The following OR2AJ1 variants were observed in gnomAD, a reference collection of about 807,000 sequenced individuals.
OR2AJ1 encodes olfactory receptor 2AJ1.
For missense variants in OR2AJ1, 280 were observed against 163.2 expected, an observed-to-expected ratio of 1.72 and a Z score of -3.90; for synonymous variants, 105 against 60.3, an observed-to-expected ratio of 1.74 and a Z score of -3.44.
chr1:247,933,836 C>T lies in OR2AJ1; in HGVS notation c.68C>T (p.Thr23Ile), dbSNP rs778459756. Residue 23 changes from threonine (T) to isoleucine (I), a missense_variant, in exon 2 of 2, where the codon ACA becomes ATA. Transcript: ENST00000318244. ...TTGGGATTGTTCTCTTCTTCCCCAA[C>T]AAGTGTGGTCTTCTTCTTAGTTTTA... is the stretch of plus-strand genomic sequence containing the variant. ...ILLGLFSSSP[T>I]SVVFFLVLFV... is the part of the protein sequence containing the mutation. 2.7e-5 allele frequency: 18 copies of T among 659,960 alleles called. No homozygotes were observed. Among genetic ancestry groups the T allele is most frequent in the Non-Finnish European group, 4.8e-5 (17 of 355,944 alleles). 40.9% of individuals were successfully genotyped at this position (659,960 alleles called of 1,614,324 possible).
Position 247,934,713 on chromosome 1 carries a change from T to A in OR2AJ1, c.945T>A (p.Asn315Lys). The A allele has an allele frequency of 2.8e-6, 2 of 713,888 alleles. No individual in the cohort carries two copies. The highest frequency in any genetic ancestry group is 2.7e-5 in the East Asian group (1 of 37,278). 44.2% of individuals were successfully genotyped at this position (713,888 alleles called of 1,614,324 possible). A position where few individuals can be genotyped will look rare whatever the true frequency, so the allele number is the denominator to read the frequency against. Residue 315 changes from asparagine (N) to lysine (K), a missense_variant, in exon 2 of 2, where the codon AAT (asparagine) becomes AAA (lysine). Physicochemically the swap from Asn to Lys is moderately conservative, Grantham distance 94. Coordinates refer to ENST00000318244, the MANE Select transcript of OR2AJ1 (RefSeq NM_001355235.2). ...LKSNFLHKKM[N>K]RKIPECVFCL... ...GTAACTTTCTGCACAAAAAAATGAA[T>A]AGGAAAATTCCTGAATGTGTGTTCT...
chr1:247,931,527 G>A (rs1420426349), intron 1 of OR2AJ1, among the ~76,000 whole-genome samples: 1 of 152,136 alleles, frequency 6.6e-6, no homozygotes, highest in Non-Finnish European at 1.5e-5. Flanking sequence ...TCATAGTAGT[G>A]GACATATGGT....
chr1:247,933,904 A>G lies in OR2AJ1; in HGVS notation c.136A>G (p.Ile46Val), dbSNP rs1251000657. The G allele has an allele frequency of 7.0e-6, 5 of 716,726 alleles. No homozygotes were observed. Among genetic ancestry groups the G allele is most frequent in the Non-Finnish European group, 1.3e-5 (5 of 384,722 alleles). 44.4% of individuals were successfully genotyped at this position (716,726 alleles called of 1,614,324 possible). A position where few individuals can be genotyped will look rare whatever the true frequency, so the allele number is the denominator to read the frequency against. The change falls in exon 2 of 2, where the codon ATC becomes GTC. Residue 46 changes from isoleucine to valine, a missense_variant. Physicochemically the swap from Ile to Val is conservative, Grantham distance 29. Coordinates refer to ENST00000318244, the MANE Select transcript of OR2AJ1 (RefSeq NM_001355235.2). Reference protein sequence around the residue: ...IMSVTENTLMILLIRSDSRLH... With the variant: ...IMSVTENTLMVLLIRSDSRLH... ...GAGTGTAACAGAAAATACGCTCATG[A>G]TCCTCCTCATTCGCAGTGACTCCCG... is the stretch of plus-strand genomic sequence containing the variant.
rs1660180988 is a variant in OR2AJ1 at position 247,933,856 on chromosome 1, G to T, written c.88G>T (p.Val30Phe). 1.5e-6 allele frequency: 1 copy of T among 687,628 alleles called. No individual in the cohort carries two copies. Among genetic ancestry groups the T allele is most frequent in the Admixed American group, 2.1e-5 (1 of 47,088 alleles). The allele number at this position is 687,628 out of a possible 1,614,324, so 42.6% of individuals were successfully genotyped here. A position where few individuals can be genotyped will look rare whatever the true frequency, so the allele number is the denominator to read the frequency against. Residue 30 changes from valine (V) to phenylalanine (F), a missense_variant, in exon 2 of 2, where the codon GTT (valine) becomes TTT (phenylalanine). Coordinates refer to ENST00000318244, the MANE Select transcript of OR2AJ1 (RefSeq NM_001355235.2). ...SSPTSVVFFL[V>F]LFVIFIMSVT... ...CCCAACAAGTGTGGTCTTCTTCTTA[G>T]TTTTATTTGTCATTTTCATTATGAG... is the stretch of plus-strand genomic sequence containing the variant.
In OR2AJ1 at chr1:247,935,104, A is replaced by C; in HGVS notation, c.*349A>C. 1 of 177,878 alleles carries C rather than the reference A, an allele frequency of 5.6e-6. No individual in the cohort carries two copies. 11.0% of individuals were successfully genotyped at this position (177,878 alleles called of 1,614,324 possible). On this transcript the variant is annotated 3_prime_UTR_variant, in exon 2 of 2. Transcript: ENST00000318244. ...TAAATTATATTGCTAACAATCACTT[A>C]TCAAAAATTCACAAATTCCATATGA...
intron 1 of OR2AJ1, among the ~76,000 whole-genome samples, chr1:247,930,084 A>G (rs1216963156): frequency 6.6e-6 from 1 of 152,210 alleles, no homozygotes; most frequent in Non-Finnish European, 1.5e-5. Flanking sequence ...AAAAATAGTC[A>G]GTCACTAACT....
chr1:247,932,456 CTGT>C (rs1660164494), intron 1 of OR2AJ1, among the ~76,000 whole-genome samples: 1 of 152,154 alleles, frequency 6.6e-6, no homozygotes, highest in Non-Finnish European at 1.5e-5. Context: ...TAGCACACAA[CTGT>C]TGTTATTCAA....
chr1:247,929,290 T>G (rs1031935097), intron 1 of OR2AJ1, among the ~76,000 whole-genome samples: 2 of 152,168 alleles, frequency 1.3e-5, no homozygotes, highest in East Asian at 3.9e-4. Flanking sequence ...GAGTCAATTT[T>G]CTGGACAGTG....
intron 1 of OR2AJ1, among the ~76,000 whole-genome samples, chr1:247,932,088 C>A (rs1006780533): frequency 6.6e-6 from 1 of 152,216 alleles, no homozygotes; most frequent in Non-Finnish European, 1.5e-5. Flanking sequence ...CCTGTAATCC[C>A]AGCACTTTGG....
chr1:247,927,809 A>G (rs1660109840), intron 1 of OR2AJ1, among the ~76,000 whole-genome samples: 1 of 152,196 alleles, frequency 6.6e-6, no homozygotes, highest in Admixed American at 6.5e-5. Context: ...ATTGAACTCA[A>G]CATAATGTCA....
At chr1:247,930,094 T>C (rs1660135921) in intron 1 of OR2AJ1, among the ~76,000 whole-genome samples, 1 of 152,218 alleles carries the variant, frequency 6.6e-6, no homozygotes, top group Non-Finnish European at 1.5e-5. Context: ...AGTCACTAAC[T>C]CATTAAGTCT....
chr1:247,926,169 AT>A (rs1488738681), intron 1 of OR2AJ1, among the ~76,000 whole-genome samples: 1 of 152,174 alleles, frequency 6.6e-6, no homozygotes, highest in Non-Finnish European at 1.5e-5. Context: ...TAAAATAAAT[AT>A]AAACATTATC....
At chr1:247,929,389 A>T (rs555385868) in intron 1 of OR2AJ1, among the ~76,000 whole-genome samples, 1 of 151,996 alleles carries the variant, frequency 6.6e-6, no homozygotes, top group South Asian at 2.1e-4. Context: ...CTCTTCTTTC[A>T]TTCCTTTCCT....
At chr1:247,929,184 G>T (rs1312557851) in intron 1 of OR2AJ1, among the ~76,000 whole-genome samples, 1 of 152,152 alleles carries the variant, frequency 6.6e-6, no homozygotes, top group Non-Finnish European at 1.5e-5. Flanking sequence ...GTCTTCATTT[G>T]CTCTTTCACA....
intron 1 of OR2AJ1, among the ~76,000 whole-genome samples, chr1:247,928,409 T>C (rs929657157): frequency 1.3e-5 from 2 of 152,230 alleles, no homozygotes; most frequent in East Asian, 3.8e-4. Context: ...ATTAATCTTT[T>C]GTCAGAAGAA....
In OR2AJ1 at chr1:247,935,293, A is replaced by G. The variant is rs1173000242; in HGVS notation, c.*538A>G. ...ATGCTAGAAGCAACTATACAATATTAGATAGGAATATCATAAAAATTGCCT... is the reference window on the plus strand; with the variant it reads ...ATGCTAGAAGCAACTATACAATATTGGATAGGAATATCATAAAAATTGCCT... On this transcript the variant is annotated 3_prime_UTR_variant, in exon 2 of 2. Coordinates refer to ENST00000318244, the MANE Select transcript of OR2AJ1 (RefSeq NM_001355235.2). 6.6e-6 allele frequency: 1 copy of G among 152,258 alleles called. No homozygotes were observed. The highest frequency in any genetic ancestry group is 2.4e-5 in the African/African-American group (1 of 41,466). The allele number at this position is 152,258 out of a possible 1,614,324, so 9.4% of individuals were successfully genotyped here.
chr1:247,933,846 C>T lies in OR2AJ1; in HGVS notation c.78C>T (p.Val26=), dbSNP rs1660180918. ...TCTCTTCTTCCCCAACAAGTGTGGT[C>T]TTCTTCTTAGTTTTATTTGTCATTT... The part of the protein sequence containing the change: ...GLFSSSPTSV[V]FFLVLFVIFI... Residue 26 remains valine, a synonymous_variant, in exon 2 of 2, where the codon GTC becomes GTT. Transcript: ENST00000318244. 2 of 675,362 alleles carry T rather than the reference C, an allele frequency of 3.0e-6. No homozygotes were observed. The highest frequency in any genetic ancestry group is 5.5e-6 in the Non-Finnish European group (2 of 362,652). 41.8% of individuals were successfully genotyped at this position (675,362 alleles called of 1,614,324 possible).
chr1:247,930,564 A>G (rs1558370797), intron 1 of OR2AJ1, among the ~76,000 whole-genome samples: 1 of 152,224 alleles, frequency 6.6e-6, no homozygotes, highest in Non-Finnish European at 1.5e-5. Flanking sequence ...ACAGATAGGA[A>G]CAGTTTGATT....
At chr1:247,929,740 T>C (rs1660132570) in intron 1 of OR2AJ1, among the ~76,000 whole-genome samples, 2 of 152,114 alleles carry the variant, frequency 1.3e-5, no homozygotes, top group South Asian at 4.1e-4. Context: ...CATAATTTAA[T>C]GGATATTTCA....
Sources: allele counts gnomAD v4.1 joint callset (sites outside exome capture counted in the v4.1 genomes callset), GRCh38; gene constraint gnomAD v4.1.1; transcripts MANE v1.5; gene names NCBI Gene and HGNC (gene_info 2026-07-23, HGNC 2026-07-21).